The following KIAA1671 variants were observed in gnomAD, a reference collection of about 807,000 sequenced individuals.
The protein encoded by KIAA1671 is uncharacterized protein KIAA1671.
In KIAA1671, 52 loss-of-function variants were observed where a neutral mutation model predicts 131.2. The observed-to-expected ratio is 0.40, with a 90% CI of 0.32 to 0.50. The LOEUF is 0.50. KIAA1671 is among the 20% of genes least tolerant of loss of function. The pLI is 0.73. For synonymous variants in KIAA1671, 1,003 were observed against 961.6 expected (o/e 1.04, Z -0.80); for missense variants, 2,360 against 2,364.2 (o/e 1.00, Z 0.04).
chr22:24,974,025 C>T (rs1171053645), intron 1 of KIAA1671, among the ~76,000 whole-genome samples: 1 of 152,170 alleles, frequency 6.6e-6, no homozygotes, highest in East Asian at 1.9e-4. Flanking sequence ...GTGGTTTGCA[C>T]AACGGGACTT....
chr22:24,989,686 A>C (rs1379850545), intron 1 of KIAA1671, among the ~76,000 whole-genome samples: 2 of 152,166 alleles, frequency 1.3e-5, no homozygotes, highest in Admixed American at 1.3e-4. Flanking sequence ...GGTGGGGAAG[A>C]AACTATTTGG....
intron 1 of KIAA1671, among the ~76,000 whole-genome samples, chr22:24,999,873 T>C (rs1924344763): frequency 6.6e-6 from 1 of 151,518 alleles, no homozygotes; most frequent in South Asian, 2.1e-4. Context: ...AGTAGTATGG[T>C]ATTTCATTTA....
At position 25,177,349 on chromosome 22, in the gene KIAA1671, A is replaced by C; in HGVS notation, c.4901A>C (p.Gln1634Pro). 6.5e-7 allele frequency: 1 copy of C among 1,546,600 alleles called. No homozygotes were observed. Among genetic ancestry groups the C allele is most frequent in the Non-Finnish European group, 8.7e-7 (1 of 1,143,962 alleles). Reference protein sequence around the residue: ...KRVDDFSFIDQTSVLDSSALK... With the variant: ...KRVDDFSFIDPTSVLDSSALK... ...TCTTCCTCCCTGCTGCTCCCAAAGC[A>C]AACCTCAGTCCTCGACTCAAGTGCC... is the stretch of plus-strand genomic sequence containing the variant. The change falls in exon 9 of 13, where the codon CAA (glutamine) becomes CCA (proline). Residue 1634 changes from glutamine (Q) to proline (P), a missense_variant and splice_region_variant. Transcript: ENST00000358431.
At chr22:25,176,547 T>C (rs2146023842) in intron 8 of KIAA1671, 2 of 152,342 alleles carry the variant, frequency 1.3e-5, no homozygotes, top group South Asian at 4.1e-4. Flanking sequence ...TTATCTCCTT[T>C]TTATAAATAG....
At chr22:25,075,991 G>A (rs1047025689) in intron 6 of KIAA1671, among the ~76,000 whole-genome samples, 4 of 151,476 alleles carry the variant, frequency 2.6e-5, no homozygotes, top group East Asian at 2.0e-4. Context: ...AGCCAGGCTC[G>A]TCTCGAACTC....
chr22:25,020,435 AC>A (rs1327210219), intron 1 of KIAA1671, among the ~76,000 whole-genome samples: 5 of 152,184 alleles, frequency 3.3e-5, no homozygotes, highest in African/African-American at 9.7e-5. Context: ...TCCCACACTC[AC>A]GTCTACATTG....
In KIAA1671 at chr22:25,089,235, A is replaced by G. The variant is rs543089336; in HGVS notation, c.4530+39871A>G. Among the ~76,000 whole-genome samples, 5 of 149,862 alleles carry G rather than the reference A, an allele frequency of 3.3e-5. No individual in the cohort carries two copies. The South Asian group carries it at 1.1e-3, about 32-fold the overall frequency. On this transcript the variant is annotated intron_variant, in intron 6 of 12. Coordinates refer to ENST00000358431, the MANE Select transcript of KIAA1671 (RefSeq NM_001145206.2). Reference sequence around the variant, plus strand: ...GGGTCCTGGAACCAATCCCCCACAGATACCAAGGGGTGCCTGTGTGTGTGT... The same window carrying G: ...GGGTCCTGGAACCAATCCCCCACAGGTACCAAGGGGTGCCTGTGTGTGTGT...
At chr22:25,095,430 T>G (rs576794732) in intron 6 of KIAA1671, among the ~76,000 whole-genome samples, 39 of 152,252 alleles carry the variant, frequency 2.6e-4, no homozygotes, top group Non-Finnish European at 4.7e-4. Flanking sequence ...AGAGGGTGGA[T>G]CACAAGGTCA....
chr22:24,994,156 C>T (rs553801190), intron 1 of KIAA1671, among the ~76,000 whole-genome samples: 1 of 152,202 alleles, frequency 6.6e-6, no homozygotes, highest in South Asian at 2.1e-4. Flanking sequence ...GGTTTGCTGA[C>T]ACATTTCAAA....
chr22:25,139,157 G>A (rs920253093), intron 6 of KIAA1671, among the ~76,000 whole-genome samples: 6 of 152,210 alleles, frequency 3.9e-5, no homozygotes, highest in Admixed American at 2.6e-4. Flanking sequence ...TGGGGATGCT[G>A]CTTGGAAGAT....
At chr22:25,096,628 C>G (rs1568953154) in intron 6 of KIAA1671, among the ~76,000 whole-genome samples, 1 of 152,204 alleles carries the variant, frequency 6.6e-6, no homozygotes, top group Non-Finnish European at 1.5e-5. Context: ...CTGAAAAACC[C>G]TAATTGACAT....
intron 1 of KIAA1671, among the ~76,000 whole-genome samples, chr22:24,993,068 C>T (rs767003020): frequency 6.6e-5 from 10 of 152,154 alleles, no homozygotes; most frequent in Non-Finnish European, 1.0e-4. Context: ...ATCTCGAAGC[C>T]GCCCTCTCTG....
At position 25,029,475 on chromosome 22, in the gene KIAA1671, G is replaced by C; in HGVS notation, c.1476G>C (p.Glu492Asp). 1 of 1,551,174 alleles carries C rather than the reference G, an allele frequency of 6.4e-7. No homozygotes were observed. Among genetic ancestry groups the C allele is most frequent in the Admixed American group, 2.0e-5 (1 of 50,990 alleles). Residue 492 changes from glutamate to aspartate, a missense_variant, in exon 3 of 13, where the codon GAG becomes GAC. Transcript: ENST00000358431. ...GAGGCTGGACTGCCGAGAGCTCAGA[G>C]GCTAAGCCCGAGGTCAGGAGGAGGA... is the stretch of plus-strand genomic sequence containing the variant. ...RIRGWTAESS[E>D]AKPEVRRRTF...
At chr22:25,074,273 G>A (rs978769957) in intron 6 of KIAA1671, among the ~76,000 whole-genome samples, 10 of 151,244 alleles carry the variant, frequency 6.6e-5, no homozygotes, top group Non-Finnish European at 1.2e-4. Context: ...GGGAGGCCAA[G>A]GAGGGTGGAT....
intron 6 of KIAA1671, among the ~76,000 whole-genome samples, chr22:25,078,999 T>A (rs184849533): frequency 2.8e-4 from 42 of 152,238 alleles, no homozygotes; most frequent in African/African-American, 9.1e-4. Flanking sequence ...TTTTGCCATC[T>A]ATAGAGTAGA....
At chr22:25,128,307 A>G (rs1183660448) in intron 6 of KIAA1671, among the ~76,000 whole-genome samples, 1 of 152,192 alleles carries the variant, frequency 6.6e-6, no homozygotes, top group African/African-American at 2.4e-5. Context: ...AAATAAGTAA[A>G]TAAATACATA....
chr22:25,055,323 C>G (rs1281217235), intron 6 of KIAA1671: 3 of 149,946 alleles, frequency 2.0e-5, no homozygotes, highest in Admixed American at 2.0e-4. Context: ...GAGATTCCCT[C>G]TAGATTTCAG....
chr22:25,076,177 C>A (rs1929098891), intron 6 of KIAA1671, among the ~76,000 whole-genome samples: 1 of 151,940 alleles, frequency 6.6e-6, no homozygotes, highest in Admixed American at 6.6e-5. Flanking sequence ...GCTTAATATT[C>A]CTACCTGTTG....
Position 25,040,053 on chromosome 22 carries a change from A to G in KIAA1671, c.2923A>G (p.Arg975Gly), listed in dbSNP as rs1010912157. The G allele has an allele frequency of 1.3e-6, 2 of 1,551,738 alleles. No individual in the cohort carries two copies. The highest frequency in any genetic ancestry group is 1.7e-6 in the Non-Finnish European group (2 of 1,147,002). The stretch of plus-strand genomic sequence containing the variant: ...AGAGGACTCTCCACATGTGGGGCAC[A>G]GACGAACAGATTATGTGAGCCCCAC... ...VPEDSPHVGH[R>G]RTDYVSPTAS... is the part of the protein sequence containing the mutation. Residue 975 changes from arginine to glycine, a missense_variant, in exon 5 of 13, where the codon AGA (arginine) becomes GGA (glycine). This residue lies in a region of KIAA1671 where 1,161 missense variants were observed against 1,204.7 expected (regional missense o/e 0.96). Coordinates refer to ENST00000358431, the MANE Select transcript of KIAA1671 (RefSeq NM_001145206.2).
Sources: allele counts gnomAD v4.1 joint callset (sites outside exome capture counted in the v4.1 genomes callset), GRCh38; gene constraint gnomAD v4.1.1; regional missense constraint gnomAD v4.1.1; transcripts MANE v1.5; gene names NCBI Gene and HGNC (gene_info 2026-07-23, HGNC 2026-07-21).